The following TM9SF4 variants were observed in gnomAD, a reference collection of about 807,000 sequenced individuals.
TM9SF4 encodes the protein dinucleotide oxidase disulfide thiol exchanger 3 superfamily member 4.
Under a neutral mutation model 90.4 loss-of-function variants are expected in TM9SF4, and 26 were observed. The observed-to-expected ratio is 0.29, with a 90% confidence interval of 0.21 to 0.40. The LOEUF is 0.40. Among genes scored for constraint, TM9SF4 ranks in the 10% least tolerant of loss-of-function variants. TM9SF4 has a pLI of 1.00. For synonymous variants in TM9SF4, 293 were observed against 315.4 expected (o/e 0.93, Z 0.75); for missense variants, 549 against 834.8 (o/e 0.66, Z 4.22).
intron 10 of TM9SF4, 107 bp from the exon 11 acceptor site, chr20:32,150,515 C>T (rs552377893): frequency 7.5e-7 from 1 of 1,329,950 alleles, no homozygotes; most frequent in Admixed American, 1.7e-5. Context: ...GCCCAGAGTC[C>T]TCCTGTCAGC....
intron 1 of TM9SF4, among the ~76,000 whole-genome samples, chr20:32,117,192 C>G (rs2046239003): frequency 7.5e-6 from 1 of 133,734 alleles, no homozygotes; most frequent in Admixed American, 8.4e-5. Context: ...TCACTGCACT[C>G]TAGCCTGGGC....
chr20:32,149,744 C>A lies in TM9SF4; in HGVS notation c.1065C>A (p.Phe355Leu). 1 of 1,614,222 alleles carries A rather than the reference C, an allele frequency of 6.2e-7. No homozygotes were observed. Among genetic ancestry groups the A allele is most frequent in the Non-Finnish European group, 8.5e-7 (1 of 1,180,040 alleles). Residue 355 changes from phenylalanine to leucine, a missense_variant, in exon 10 of 18, where the codon TTC becomes TTA. By Grantham distance (22) the Phe-to-Leu change is conservative (BLOSUM62 0). This residue lies in a region of TM9SF4 where 495 missense variants were observed against 711.7 expected (regional missense o/e 0.70). Coordinates refer to ENST00000398022, the MANE Select transcript of TM9SF4 (RefSeq NM_014742.4). ...SSLLGSGIQLFCMILIVIFVA... is the reference protein window; with the variant it reads ...SSLLGSGIQLLCMILIVIFVA... ...TGCTGGGCTCAGGCATTCAGCTGTT[C>A]TGTATGATCCTCATCGTCATCTGTG... is the stretch of plus-strand genomic sequence containing the variant.
chr20:32,159,907 A>G, intron 15 of TM9SF4, 85 bp from the exon 16 acceptor site: 2 of 1,578,890 alleles, frequency 1.3e-6, no homozygotes, highest in South Asian at 1.2e-5. Context: ...TGATGTGTCC[A>G]CTCCTGCCCT....
chr20:32,123,889 GT>G, intron 1 of TM9SF4, among the ~76,000 whole-genome samples: 2 of 58,094 alleles, frequency 3.4e-5, no homozygotes, highest in Non-Finnish European at 7.2e-5. Context: ...AAGAGATAGG[GT>G]CTCCCTCTGT....
chr20:32,109,735 T>C lies in TM9SF4; in HGVS notation c.-6T>C, dbSNP rs1052038969. The stretch of plus-strand genomic sequence containing the variant: ...TGACGTCATTACGGCGACACGTGGA[T>C]CCAAGATGGCGACGGCGATGGTGAG... On this transcript the variant is annotated 5_prime_UTR_variant, in exon 1 of 18. Transcript: ENST00000398022. 2 of 1,551,424 alleles carry C rather than the reference T, an allele frequency of 1.3e-6. No homozygotes were observed. Among genetic ancestry groups the C allele is most frequent in the Non-Finnish European group, 1.7e-6 (2 of 1,146,980 alleles).
intron 9 of TM9SF4, among the ~76,000 whole-genome samples, chr20:32,149,357 T>C (rs2046808552): frequency 6.6e-6 from 1 of 152,092 alleles, no homozygotes; most frequent in South Asian, 2.1e-4. Context: ...ACTCTTACAG[T>C]TGACATTTTA....
At chr20:32,154,678 C>T (rs979793125) in intron 12 of TM9SF4, among the ~76,000 whole-genome samples, 1 of 152,150 alleles carries the variant, frequency 6.6e-6, no homozygotes, top group African/African-American at 2.4e-5. Context: ...GTCTCAAACT[C>T]CTGACCTCAG....
At chr20:32,117,350 A>G (rs2046242193) in intron 1 of TM9SF4, among the ~76,000 whole-genome samples, 1 of 152,140 alleles carries the variant, frequency 6.6e-6, no homozygotes, top group African/African-American at 2.4e-5. Context: ...AAGGCCGTTC[A>G]GATTGGCCAG....
At chr20:32,144,947 T>C in intron 6 of TM9SF4, 144 bp from the exon 7 acceptor site, 1 of 700,392 alleles carries the variant, frequency 1.4e-6, no homozygotes, top group Non-Finnish European at 2.6e-6. Context: ...AAAAAACCAT[T>C]GTTGCCCATT....
intron 1 of TM9SF4, among the ~76,000 whole-genome samples, chr20:32,128,846 C>T (rs911187580): frequency 1.4e-5 from 2 of 138,912 alleles, no homozygotes; most frequent in African/African-American, 5.5e-5. Context: ...ATACAGTGTC[C>T]CAAGTCCTAG....
At chr20:32,123,870 T>A (rs975354139) in intron 1 of TM9SF4, among the ~76,000 whole-genome samples, 55 of 50,858 alleles carry the variant, frequency 1.1e-3, no homozygotes, top group Non-Finnish European at 1.4e-3. Flanking sequence ...ATATATATTT[T>A]TTTTTTTAAA....
chr20:32,143,056 G>A lies in TM9SF4; in HGVS notation c.603G>A (p.Thr201=), dbSNP rs539823586. The change falls in exon 6 of 18, where the codon ACG becomes ACA. Residue 201 remains threonine (T), a synonymous_variant. Coordinates refer to ENST00000398022, the MANE Select transcript of TM9SF4 (RefSeq NM_014742.4). ...REDMEEDQEH[T]YRVVRFEVIP... ...ACATGGAAGAGGACCAGGAGCACAC[G>A]TACCGTGTCGTCCGCTTCGAGGTGA... The A allele has an allele frequency of 3.3e-5, 53 of 1,613,874 alleles. No individual in the cohort carries two copies. The highest frequency in any genetic ancestry group is 1.0e-4 in the Admixed American group (6 of 60,004).
In TM9SF4 at chr20:32,141,872, C is replaced by A. The variant is rs1038152729; in HGVS notation, c.505C>A (p.Leu169Ile). 1.3e-5 allele frequency: 21 copies of A among 1,614,018 alleles called. No individual in the cohort carries two copies. The highest frequency in any genetic ancestry group is 1.7e-5 in the Non-Finnish European group (20 of 1,180,016). Reference protein sequence around the residue: ...KDVQFEHGYRLGFTDVNKIYL... With the variant: ...KDVQFEHGYRIGFTDVNKIYL... ...TGTGCAGTTTGAACACGGCTACCGGCTCGGCTTCACAGATGTCAACAAGGT... is the reference window on the plus strand; with the variant it reads ...TGTGCAGTTTGAACACGGCTACCGGATCGGCTTCACAGATGTCAACAAGGT... The change falls in exon 5 of 18, where the codon CTC becomes ATC. Residue 169 changes from leucine to isoleucine, a missense_variant. This residue lies in a region of TM9SF4 where 495 missense variants were observed against 711.7 expected (regional missense o/e 0.70). Transcript: ENST00000398022.
In TM9SF4 at chr20:32,109,961, TG is replaced by T. The variant is rs1569031067; in HGVS notation, c.15+211del. On this transcript the variant is annotated intron_variant, in intron 1 of 17. Coordinates refer to ENST00000398022, the MANE Select transcript of TM9SF4 (RefSeq NM_014742.4). ...TCAGGCTTGTGAAGGCCCCGAGTTT[TG>T]GGGGAGGCGCCGTTTCGGAGGAAGA... The T allele has an allele frequency of 2.1e-6, 3 of 1,413,186 alleles. No individual in the cohort carries two copies. In the African/African-American group the frequency reaches 4.3e-5, roughly 20 times the overall value. The allele number at this position is 1,413,186 out of a possible 1,614,324, so 87.5% of individuals were successfully genotyped here.
In TM9SF4 at chr20:32,150,707, G is replaced by A. The variant is rs6121364; in HGVS notation, c.1169+4G>A. ...GCTTCCTCTTCATGTTCATGGGGTAGGTGTGTCTGAGTGGGCTCCCGGGGG... is the reference window on the plus strand; with the variant it reads ...GCTTCCTCTTCATGTTCATGGGGTAAGTGTGTCTGAGTGGGCTCCCGGGGG... On this transcript the variant is annotated splice_donor_region_variant and intron_variant, in intron 11 of 17. Transcript: ENST00000398022. 6.2e-7 allele frequency: 1 copy of A among 1,614,254 alleles called. No homozygotes were observed. The highest frequency in any genetic ancestry group is 2.2e-5 in the East Asian group (1 of 44,882).
At chr20:32,158,618 C>A in intron 15 of TM9SF4, 104 bp downstream of exon 15, 1 of 1,126,134 alleles carries the variant, frequency 8.9e-7, no homozygotes, top group Non-Finnish European at 1.3e-6. Context: ...TCAGATGGGC[C>A]ACTTCACCTC....
chr20:32,143,075 G>C lies in TM9SF4; in HGVS notation c.622G>C (p.Glu208Gln). 1 of 1,613,682 alleles carries C rather than the reference G, an allele frequency of 6.2e-7. No homozygotes were observed. ...QEHTYRVVRF[E>Q]VIPQSIRLED... ...GCACACGTACCGTGTCGTCCGCTTC[G>C]AGGTGATTCCCCAGAGCATCAGGCT... is the stretch of plus-strand genomic sequence containing the variant. The change falls in exon 6 of 18, where the codon GAG becomes CAG. Residue 208 changes from glutamate to glutamine, a missense_variant. Transcript: ENST00000398022.
chr20:32,143,169 C>T (rs544091352), intron 6 of TM9SF4, 64 bp downstream of exon 6: 1 of 1,576,686 alleles, frequency 6.3e-7, no homozygotes, highest in African/African-American at 1.3e-5. Context: ...CACGCAGGGT[C>T]TTCGCACTCT....
chr20:32,129,597 ATTTTTT>A (rs34093111), intron 1 of TM9SF4, among the ~76,000 whole-genome samples: 3 of 139,656 alleles, frequency 2.1e-5, no homozygotes, highest in East Asian at 2.1e-4. Context: ...TAAGTAGTGA[ATTTTTT>A]TTTTTTTTTT....
Sources: gnomAD v4.1 joint callset for allele counts (sites outside exome capture counted in the v4.1 genomes callset) on GRCh38, gnomAD v4.1.1 for gene constraint, gnomAD v4.1.1 regional missense constraint, MANE v1.5 for transcripts, NCBI Gene and HGNC (gene_info 2026-07-23, HGNC 2026-07-21) for gene names.